The following ADGRF1 variants were observed in gnomAD, a reference collection of about 807,000 sequenced individuals.
ADGRF1 encodes G protein-coupled receptor 110.
In ADGRF1, 85 loss-of-function variants were observed where a neutral mutation model predicts 87.2. The ratio of observed to expected loss-of-function variants is 0.97; its 90% CI spans 0.82 to 1.17. The LOEUF is 1.17. ADGRF1 is among the 50% of genes most tolerant of loss of function. ADGRF1 has a pLI of 0.00. For synonymous variants in ADGRF1, 430 were observed against 408.8 expected (o/e 1.05, Z -0.63); for missense variants, 1,169 against 1,077.2 (o/e 1.09, Z -1.19).
rs116080784 is a variant in ADGRF1 at position 47,035,187 on chromosome 6, G to A, written c.-43-6083C>T. On this transcript the variant is annotated intron_variant, in intron 1 of 14. Coordinates refer to ENST00000371253, the MANE Select transcript of ADGRF1 (RefSeq NM_153840.4). Reference sequence around the variant, plus strand: ...CTGAAGACCCAGCCGCTTGTGGTTCGGTATAGCAGGAGTGACCATGAAGCC... The same window carrying A: ...CTGAAGACCCAGCCGCTTGTGGTTCAGTATAGCAGGAGTGACCATGAAGCC... 2.3e-3 allele frequency among the ~76,000 whole-genome samples: 352 copies of A among 152,272 alleles called. 2 individuals are homozygous for A. The highest frequency in any genetic ancestry group is 0.016 in the South Asian group (77 of 4,828).
chr6:47,002,666 C>T (rs950876183), intron 13 of ADGRF1, among the ~76,000 whole-genome samples: 14 of 152,076 alleles, frequency 9.2e-5, no homozygotes, highest in East Asian at 3.9e-4. Flanking sequence ...AATAACAGGC[C>T]GTGAGTTACT....
intron 7 of ADGRF1, chr6:47,020,319 C>T (rs1017622355): frequency 1.1e-6 from 1 of 930,796 alleles, no homozygotes; most frequent in Non-Finnish European, 1.5e-6. Flanking sequence ...ATGGTGAAAC[C>T]CTGTCTCTAC....
rs149814374 is a variant in ADGRF1 at position 47,001,054 on chromosome 6, G to T, written c.2659+447C>A. Among the ~76,000 whole-genome samples the T allele has an allele frequency of 3.2e-3, 481 of 152,376 alleles. 2 individuals are homozygous for T. Among genetic ancestry groups the T allele is most frequent in the African/African-American group, 0.01 (429 of 41,594 alleles). Reference sequence around the variant, plus strand: ...TGCTCTTTCACTCTTAGCAGGTGTGGCCCCTTCCTGCCCAGGGGCATTTTA... The same window carrying T: ...TGCTCTTTCACTCTTAGCAGGTGTGTCCCCTTCCTGCCCAGGGGCATTTTA... On this transcript the variant is annotated intron_variant, in intron 14 of 14. Transcript: ENST00000371253.
intron 7 of ADGRF1, chr6:47,017,449 G>C (rs978018859): frequency 2.6e-5 from 4 of 152,190 alleles, no homozygotes; most frequent in Admixed American, 1.3e-4. Context: ...AACTAGCTGG[G>C]TAGCTATGCA....
At chr6:47,041,912 T>A (rs1780750799) in intron 1 of ADGRF1, among the ~76,000 whole-genome samples, 1 of 152,200 alleles carries the variant, frequency 6.6e-6, no homozygotes, top group Non-Finnish European at 1.5e-5. Flanking sequence ...ACAATGGGGT[T>A]CCTGTGTTAT....
chr6:47,004,089 C>G (rs1014944398), intron 13 of ADGRF1, among the ~76,000 whole-genome samples: 1 of 152,144 alleles, frequency 6.6e-6, no homozygotes, highest in Non-Finnish European at 1.5e-5. Flanking sequence ...CCCCTCCCAA[C>G]ATATGAACTT....
chr6:47,010,183 T>A lies in ADGRF1; in HGVS notation c.1252A>T (p.Thr418Ser). ...LENISTLVPP[T>S]ALPLNFSRKF... The stretch of plus-strand genomic sequence containing the variant: ...CGAGAAAAATTCAGAGGAAGAGCTG[T>A]CGGAGGCACCAGAGTGCTGATGTTT... The change falls in exon 11 of 15, where the codon ACA becomes TCA. Residue 418 changes from threonine to serine, a missense_variant. Thr to Ser is a moderately conservative substitution (Grantham distance 58). Transcript: ENST00000371253. 1 of 1,614,130 alleles carries A rather than the reference T, an allele frequency of 6.2e-7. No homozygotes were observed. The highest frequency in any genetic ancestry group is 8.5e-7 in the Non-Finnish European group (1 of 1,180,018).
rs1185515131 is a variant in ADGRF1, at chr6:47,009,260, A to G, written c.2175T>C (p.Asn725=). ...VITIAVTQPS[N]TYKRKDVCWL... is the part of the protein sequence containing the mutation. Reference sequence around the variant, plus strand: ...AACACACATCTTTCCTTTTGTAGGTATTGCTAGGTTGCGTGACAGCAATGG... The same window carrying G: ...AACACACATCTTTCCTTTTGTAGGTGTTGCTAGGTTGCGTGACAGCAATGG... Residue 725 remains asparagine, a synonymous_variant, in exon 11 of 15, where the codon AAT becomes AAC. Transcript: ENST00000371253. 1.9e-6 allele frequency: 3 copies of G among 1,614,168 alleles called. No individual in the cohort carries two copies. Among genetic ancestry groups the G allele is most frequent in the Non-Finnish European group, 2.5e-6 (3 of 1,180,020 alleles).
At chr6:47,007,197 G>A (rs544681899) in intron 12 of ADGRF1, 56 bp downstream of exon 12, 585 of 1,051,124 alleles carry the variant, frequency 5.6e-4, no homozygotes, top group Non-Finnish European at 8.0e-4. Flanking sequence ...AGAACAAAGG[G>A]GAGGGGGCCT....
chr6:47,028,557 A>G (rs970137498), intron 2 of ADGRF1, among the ~76,000 whole-genome samples: 56 of 152,164 alleles, frequency 3.7e-4, no homozygotes, highest in Admixed American at 8.5e-4. Flanking sequence ...GAGAGGTCTG[A>G]GATGGAGCTA....
chr6:47,034,157 G>A (rs1582192206), intron 1 of ADGRF1, among the ~76,000 whole-genome samples: 1 of 152,210 alleles, frequency 6.6e-6, no homozygotes, highest in South Asian at 2.1e-4. Flanking sequence ...CTGTGGGCTC[G>A]GTTTCCTCCT....
chr6:47,012,276 T>C, intron 9 of ADGRF1, 81 bp from the exon 10 acceptor site: 2 of 1,559,186 alleles, frequency 1.3e-6, no homozygotes, highest in Non-Finnish European at 1.7e-6. Flanking sequence ...CTTGGCCATA[T>C]AGAACTAACA....
intron 1 of ADGRF1, among the ~76,000 whole-genome samples, chr6:47,035,201 GACCATGAAGCCCTTA>G (rs943995445): frequency 3.3e-5 from 5 of 152,184 alleles, no homozygotes; most frequent in African/African-American, 1.2e-4. Flanking sequence ...TAGCAGGAGT[GACCATGAAGCCCTTA>G]AAAGATGATT....
intron 5 of ADGRF1, among the ~76,000 whole-genome samples, chr6:47,023,066 T>G (rs1582171466): frequency 6.6e-6 from 1 of 152,184 alleles, no homozygotes; most frequent in Admixed American, 6.5e-5. Flanking sequence ...CAGCCCGCCT[T>G]AGGCTTCCAA....
chr6:47,029,302 T>C (rs1780340697), intron 1 of ADGRF1, among the ~76,000 whole-genome samples, 198 bp from the exon 2 acceptor site: 1 of 152,104 alleles, frequency 6.6e-6, no homozygotes, highest in Non-Finnish European at 1.5e-5. Context: ...ATTACAAACT[T>C]ACTAGAAAAC....
chr6:47,017,658 A>G (rs1779922500), intron 7 of ADGRF1: 1 of 151,922 alleles, frequency 6.6e-6, no homozygotes, highest in African/African-American at 2.4e-5. Context: ...ATGAATCTCA[A>G]TGACATTATG....
intron 5 of ADGRF1, among the ~76,000 whole-genome samples, chr6:47,022,514 T>C (rs1780090069): frequency 6.6e-6 from 1 of 152,238 alleles, no homozygotes; most frequent in Non-Finnish European, 1.5e-5. Flanking sequence ...ATTCTATTTA[T>C]CCTTCATTCA....
chr6:47,033,231 C>T (rs1780486149), intron 1 of ADGRF1, among the ~76,000 whole-genome samples: 1 of 152,170 alleles, frequency 6.6e-6, no homozygotes, highest in Non-Finnish European at 1.5e-5. Flanking sequence ...GTGGGACGCC[C>T]CCTCCGCACT....
At chr6:47,017,623 A>G (rs1368720477) in intron 7 of ADGRF1, 1 of 152,124 alleles carries the variant, frequency 6.6e-6, no homozygotes, top group East Asian at 1.9e-4. Flanking sequence ...ACAAAAAGGA[A>G]GGAACCACTG....
Sources: gnomAD v4.1 joint callset for allele counts (sites outside exome capture counted in the v4.1 genomes callset) on GRCh38, gnomAD v4.1.1 for gene constraint, MANE v1.5 for transcripts, NCBI Gene and HGNC (gene_info 2026-07-23, HGNC 2026-07-21) for gene names.